Variants in XYLB observed in about 807,000 individuals in gnomAD.
XYLB encodes the protein xylulose kinase.
In XYLB, 62 loss-of-function variants were observed where a neutral mutation model predicts 78.7. The observed-to-expected ratio is 0.79, with a 90% CI of 0.64 to 0.97. The LOEUF (loss-of-function observed/expected upper bound fraction) is 0.97. Ranked by LOEUF, XYLB falls within the 50% of genes least tolerant of loss-of-function variation. The probability of loss-of-function intolerance (pLI) is 0.00; values close to 1 mark genes in which losing one functional copy is unlikely to be tolerated. For synonymous variants in XYLB, 245 were observed against 247.4 expected (o/e 0.99, Z 0.09); for missense variants, 687 against 676.8 (o/e 1.02, Z -0.17).
At chr3:38,354,363 C>T (rs1181254354) in intron 2 of XYLB, among the ~76,000 whole-genome samples, 2 of 152,020 alleles carry the variant, frequency 1.3e-5, no homozygotes, top group East Asian at 1.9e-4. Flanking sequence ...CCATTGCACC[C>T]GGCCTGTAAT....
chr3:38,399,420 A>G (rs1189315228), intron 17 of XYLB, among the ~76,000 whole-genome samples: 2 of 151,972 alleles, frequency 1.3e-5, no homozygotes, highest in East Asian at 3.9e-4. Context: ...GCTGTATGGT[A>G]GTTTTGTTGG....
At chr3:38,450,832 G>C in the XYLB span, among the ~76,000 whole-genome samples, 2 of 152,200 alleles carry the variant, frequency 1.3e-5, no homozygotes, top group African/African-American at 4.8e-5. Context: ...CACTGCTATT[G>C]CAACAGTCCA....
chr3:38,445,430 C>A, the XYLB span, among the ~76,000 whole-genome samples: 1 of 152,050 alleles, frequency 6.6e-6, no homozygotes, highest in Non-Finnish European at 1.5e-5. Context: ...TAGAAAAGCA[C>A]CAGAAACAGG....
In XYLB at chr3:38,375,168, C is replaced by A. The variant is rs201761366; in HGVS notation, c.913C>A (p.Leu305Met). The change falls in exon 12 of 19, where the codon CTG (leucine) becomes ATG (methionine). Residue 305 changes from leucine to methionine, a missense_variant. Transcript: ENST00000207870. ...GGTCAGCCTGGGCACCAGTGACACC[C>A]TGTTTCTCTGGCTCCAAGAGCCCAT... is the stretch of plus-strand genomic sequence containing the variant. ...IAVSLGTSDT[L>M]FLWLQEPMPA... 1.2e-6 allele frequency: 2 copies of A among 1,614,120 alleles called. No homozygotes were observed. Among genetic ancestry groups the A allele is most frequent in the Non-Finnish European group, 1.7e-6 (2 of 1,180,012 alleles).
chr3:38,424,011 C>G (rs7635581), downstream of XYLB, among the ~76,000 whole-genome samples: 3,511 of 152,240 alleles, frequency 0.023, 147 homozygotes, highest in African/African-American at 0.08. Flanking sequence ...CTAGGCATTC[C>G]TACCTCTGCC....
the XYLB span, among the ~76,000 whole-genome samples, chr3:38,440,006 A>G: frequency 6.6e-6 from 1 of 152,148 alleles, no homozygotes; most frequent in Non-Finnish European, 1.5e-5. Context: ...TATTTCTTGT[A>G]AACTGTCTGA....
rs1051913547 is a variant in XYLB at position 38,413,820 on chromosome 3, C to T, written c.*807C>T. The T allele has an allele frequency of 6.6e-6, 1 of 152,176 alleles. No individual in the cohort carries two copies. Among genetic ancestry groups the T allele is most frequent in the East Asian group, 1.9e-4 (1 of 5,180 alleles). The allele number at this position is 152,176 out of a possible 1,614,324, so 9.4% of individuals were successfully genotyped here. ...CAGTTTAGAACTTCTCTCCCTTTTT[C>T]TCCCTCATTCCCTCTCTCTTCTTGC... On this transcript the variant is annotated 3_prime_UTR_variant, in exon 19 of 19. Coordinates refer to ENST00000207870, the MANE Select transcript of XYLB (RefSeq NM_005108.4).
chr3:38,449,450 GTCTCA>G, the XYLB span, among the ~76,000 whole-genome samples: 3 of 152,218 alleles, frequency 2.0e-5, no homozygotes, highest in East Asian at 5.8e-4. Context: ...ACAAACGGGG[GTCTCA>G]CTATGTTGTC....
chr3:38,349,486 TG>T (rs1199112525), intron 2 of XYLB, among the ~76,000 whole-genome samples: 1 of 152,214 alleles, frequency 6.6e-6, no homozygotes, highest in Non-Finnish European at 1.5e-5. Flanking sequence ...AAGAGGTTTT[TG>T]CTGGTCATTC....
intron 17 of XYLB, among the ~76,000 whole-genome samples, chr3:38,398,030 G>A (rs924744369): frequency 3.3e-5 from 5 of 151,384 alleles, no homozygotes; most frequent in African/African-American, 9.7e-5. Flanking sequence ...GTGTTAGCCA[G>A]GATGGTCTCG....
chr3:38,371,554 G>A (rs565438584), intron 9 of XYLB, among the ~76,000 whole-genome samples: 1 of 152,222 alleles, frequency 6.6e-6, no homozygotes, highest in East Asian at 1.9e-4. Context: ...GATTACAGGC[G>A]TGAGCCACCG....
rs775808392 is a variant in XYLB at position 38,376,957 on chromosome 3, T to C, written c.1160T>C (p.Ile387Thr). ...FDVMEITPEI[I>T]GRHRFNTENH... is the part of the protein sequence containing the mutation. ...GTAATGGAGATCACCCCTGAAATTA[T>C]TGGACGTCATAGGTTTAACACAGAA... Residue 387 changes from isoleucine (I) to threonine (T), a missense_variant, in exon 14 of 19, where the codon ATT becomes ACT. Physicochemically the swap from Ile to Thr is moderately conservative, Grantham distance 89 (BLOSUM62 -1). Transcript: ENST00000207870. The C allele has an allele frequency of 2.7e-5, 44 of 1,614,178 alleles. No homozygotes were observed. The highest frequency in any genetic ancestry group is 3.6e-5 in the Non-Finnish European group (42 of 1,180,010).
the XYLB span, among the ~76,000 whole-genome samples, chr3:38,449,600 A>G: frequency 1.3e-5 from 2 of 152,210 alleles, no homozygotes; most frequent in African/African-American, 4.8e-5. Context: ...ATTCAAAAAC[A>G]ATGCAGCCAA....
chr3:38,398,903 A>G (rs13089362), intron 17 of XYLB, among the ~76,000 whole-genome samples: 63,787 of 150,480 alleles, frequency 0.42, 15,788 homozygotes, highest in Non-Finnish European at 0.57. Context: ...ATGGTGGCGC[A>G]CGCCTGTAGT....
chr3:38,433,919 T>C, the XYLB span, among the ~76,000 whole-genome samples: 1 of 152,214 alleles, frequency 6.6e-6, no homozygotes, highest in African/African-American at 2.4e-5. Context: ...CAAGCTCCTA[T>C]GAATAAATAC....
intron 18 of XYLB, among the ~76,000 whole-genome samples, chr3:38,410,115 G>A (rs922057142): frequency 2.6e-5 from 4 of 152,162 alleles, no homozygotes; most frequent in South Asian, 2.1e-4. Context: ...GAGGCATCAT[G>A]CTACCTGACT....
the XYLB span, chr3:38,452,803 G>A: frequency 2.0e-5 from 3 of 152,142 alleles, no homozygotes; most frequent in East Asian, 3.9e-4. Flanking sequence ...AACCCTGAGG[G>A]AGTGTACCTC....
chr3:38,395,990 T>C (rs1306878267), intron 16 of XYLB, among the ~76,000 whole-genome samples: 1 of 152,162 alleles, frequency 6.6e-6, no homozygotes, highest in African/African-American at 2.4e-5. Context: ...GCCAGAAACA[T>C]ATGACCAAAA....
At chr3:38,390,004 T>G (rs1329341514) in intron 15 of XYLB, among the ~76,000 whole-genome samples, 3 of 152,182 alleles carry the variant, frequency 2.0e-5, no homozygotes, top group Non-Finnish European at 4.4e-5. Context: ...GCTCATCTCA[T>G]TCTGGAATTT....
Sources: allele counts gnomAD v4.1 joint callset (sites outside exome capture counted in the v4.1 genomes callset), GRCh38; gene constraint gnomAD v4.1.1; transcripts MANE v1.5; gene names NCBI Gene and HGNC (gene_info 2026-07-23, HGNC 2026-07-21).